Variants in ZNF804B observed in about 807,000 individuals in gnomAD.
ZNF804B encodes the protein zinc finger 804B.
In ZNF804B, 80 loss-of-function variants were observed where a neutral mutation model predicts 101.4. The observed-to-expected ratio is 0.79, with a 90% CI of 0.66 to 0.95. The LOEUF is 0.95. ZNF804B is among the 40% of genes least tolerant of loss of function. The pLI is 0.00. For missense variants in ZNF804B, 1,673 were observed against 1,561.9 expected, an observed-to-expected ratio of 1.07 and a Z score of -1.20; for synonymous variants, 622 against 558.8, an observed-to-expected ratio of 1.11 and a Z score of -1.59.
chr7:89,038,783 A>G (rs941846573), intron 1 of ZNF804B, among the ~76,000 whole-genome samples: 3 of 152,078 alleles, frequency 2.0e-5, no homozygotes, highest in Non-Finnish European at 4.4e-5. Context: ...GAATATTTAA[A>G]GTTTTAAGTC....
chr7:89,149,219 A>C (rs1441470891), intron 1 of ZNF804B, among the ~76,000 whole-genome samples: 1 of 152,062 alleles, frequency 6.6e-6, no homozygotes, highest in Non-Finnish European at 1.5e-5. Context: ...TTTTAAATCA[A>C]TTTCTCAGGG....
At chr7:88,884,865 G>A (rs889325672) in intron 1 of ZNF804B, among the ~76,000 whole-genome samples, 3 of 151,758 alleles carry the variant, frequency 2.0e-5, no homozygotes, top group Non-Finnish European at 3.0e-5. Context: ...GTCTTTGAGT[G>A]GAAGTCACCA....
rs16868785 is a variant in ZNF804B at position 89,110,021 on chromosome 7, T to G, written c.109-108134T>G. Among the ~76,000 whole-genome samples, 359 of 152,270 alleles carry G rather than the reference T, an allele frequency of 2.4e-3. 2 individuals carry two copies. Among genetic ancestry groups the G allele is most frequent in the African/African-American group, 8.2e-3 (342 of 41,562 alleles). ...AAGACAAAAATACACAGCATTTGCC[T>G]TTGAAGAGACCACCAGTTTGTTATG... is the stretch of plus-strand genomic sequence containing the variant. On this transcript the variant is annotated intron_variant, in intron 1 of 3. Transcript: ENST00000333190.
intron 1 of ZNF804B, among the ~76,000 whole-genome samples, chr7:88,866,392 C>T (rs1472765308): frequency 6.6e-6 from 1 of 152,060 alleles, no homozygotes; most frequent in African/African-American, 2.4e-5. Flanking sequence ...TCTTGGTTAA[C>T]AGAATGTGAA....
intron 2 of ZNF804B, among the ~76,000 whole-genome samples, chr7:89,226,601 T>C (rs1789092258): frequency 6.6e-6 from 1 of 152,064 alleles, no homozygotes; most frequent in African/African-American, 2.4e-5. Flanking sequence ...TCACAAACTA[T>C]GATGTAACAA....
intron 1 of ZNF804B, among the ~76,000 whole-genome samples, chr7:88,993,703 T>C (rs1481310769): frequency 3.3e-5 from 5 of 152,066 alleles, no homozygotes; most frequent in African/African-American, 4.8e-5. Context: ...AAAACATCTA[T>C]GTATTGTATA....
chr7:88,820,882 A>T (rs1302861131), intron 1 of ZNF804B, among the ~76,000 whole-genome samples: 13 of 152,100 alleles, frequency 8.5e-5, no homozygotes, highest in Admixed American at 8.5e-4. Context: ...TGAAGAGAGA[A>T]GGGAGGGGAG....
intron 1 of ZNF804B, among the ~76,000 whole-genome samples, chr7:88,887,129 G>A (rs1349585194): frequency 6.6e-6 from 1 of 152,012 alleles, no homozygotes; most frequent in Non-Finnish European, 1.5e-5. Context: ...GCGGAGACAA[G>A]GGAACTCTTC....
intron 1 of ZNF804B, among the ~76,000 whole-genome samples, chr7:88,768,204 A>C (rs892070236): frequency 2.6e-5 from 4 of 152,190 alleles, no homozygotes; most frequent in Non-Finnish European, 4.4e-5. Context: ...GGTATGAGGA[A>C]TATTGGAAAT....
chr7:89,005,392 A>G (rs1469627627), intron 1 of ZNF804B, among the ~76,000 whole-genome samples: 1 of 152,014 alleles, frequency 6.6e-6, no homozygotes, highest in Non-Finnish European at 1.5e-5. Flanking sequence ...TACTGCAAGC[A>G]GAATCACAAG....
chr7:88,860,757 C>G (rs567699332), intron 1 of ZNF804B, among the ~76,000 whole-genome samples: 1 of 152,134 alleles, frequency 6.6e-6, no homozygotes, highest in African/African-American at 2.4e-5. Flanking sequence ...ACTACATTAA[C>G]CAATGTGAGA....
At chr7:88,997,318 G>A (rs1788216764) in intron 1 of ZNF804B, among the ~76,000 whole-genome samples, 1 of 152,028 alleles carries the variant, frequency 6.6e-6, no homozygotes, top group Non-Finnish European at 1.5e-5. Flanking sequence ...AATTTCAAAA[G>A]TTTTCTAACT....
intron 2 of ZNF804B, among the ~76,000 whole-genome samples, chr7:89,284,119 C>T (rs1015978665): frequency 1.6e-4 from 25 of 152,158 alleles, no homozygotes; most frequent in African/African-American, 5.5e-4. Context: ...CACAAAGATG[C>T]ATTATTAAAT....
intron 2 of ZNF804B, among the ~76,000 whole-genome samples, chr7:89,279,921 A>G (rs1790058247): frequency 6.6e-6 from 1 of 152,124 alleles, no homozygotes; most frequent in South Asian, 2.1e-4. Flanking sequence ...ATAGACATCT[A>G]CAGAACTCTC....
intron 1 of ZNF804B, among the ~76,000 whole-genome samples, chr7:89,056,702 G>T (rs1434440094): frequency 6.6e-6 from 1 of 152,092 alleles, no homozygotes; most frequent in Non-Finnish European, 1.5e-5. Context: ...GTCACAACAA[G>T]GTTGGATCTT....
At chr7:89,184,556 T>A (rs1390850911) in intron 1 of ZNF804B, among the ~76,000 whole-genome samples, 1 of 152,208 alleles carries the variant, frequency 6.6e-6, no homozygotes, top group Non-Finnish European at 1.5e-5. Context: ...GCTTTCTATT[T>A]ATTAATAATA....
intron 1 of ZNF804B, among the ~76,000 whole-genome samples, chr7:89,128,742 C>T (rs1345853024): frequency 6.6e-6 from 1 of 151,920 alleles, no homozygotes; most frequent in African/African-American, 2.4e-5. Context: ...TTTTCTACTT[C>T]TCTGTGTAAC....
intron 1 of ZNF804B, among the ~76,000 whole-genome samples, chr7:89,014,864 C>A (rs974099001): frequency 6.6e-6 from 1 of 152,158 alleles, no homozygotes; most frequent in Non-Finnish European, 1.5e-5. Context: ...TTGATATAAT[C>A]ACACTTGTTT....
chr7:89,025,109 A>G (rs1788728867), intron 1 of ZNF804B, among the ~76,000 whole-genome samples: 1 of 152,240 alleles, frequency 6.6e-6, no homozygotes, highest in Non-Finnish European at 1.5e-5. Context: ...AATTTGTGAT[A>G]TAATGATTAG....
Sources: allele counts gnomAD v4.1 joint callset (sites outside exome capture counted in the v4.1 genomes callset), GRCh38; gene constraint gnomAD v4.1.1; transcripts MANE v1.5; gene names NCBI Gene and HGNC (gene_info 2026-07-23, HGNC 2026-07-21).